The following SOX5 variants were observed in gnomAD, a reference collection of about 807,000 sequenced individuals.
SOX5 encodes SRY-box transcription factor 5.
In SOX5, 9 loss-of-function variants were observed where a neutral mutation model predicts 92.0. The ratio of observed to expected loss-of-function variants is 0.10; its 90% CI spans 0.06 to 0.17. SOX5 has a LOEUF of 0.17. Among genes scored for constraint, SOX5 ranks in the 10% least tolerant of loss-of-function variants. The probability of loss-of-function intolerance (pLI) is 1.00; values close to 1 mark genes in which losing one functional copy is unlikely to be tolerated. For synonymous variants in SOX5, 344 were observed against 336.3 expected, an observed-to-expected ratio of 1.02 and a Z score of -0.25; for missense variants, 642 against 944.5, an observed-to-expected ratio of 0.68 and a Z score of 4.20.
chr12:23,583,965 G>A (rs1439676296), intron 9 of SOX5, among the ~76,000 whole-genome samples: 1 of 152,102 alleles, frequency 6.6e-6, no homozygotes, highest in African/African-American at 2.4e-5. Flanking sequence ...GGAGCTCACA[G>A]AGCAATACGA....
chr12:23,888,549 T>A (rs930265879), intron 2 of SOX5, among the ~76,000 whole-genome samples: 12 of 152,264 alleles, frequency 7.9e-5, no homozygotes, highest in African/African-American at 2.9e-4. Flanking sequence ...TTTGACTCCT[T>A]CTCCCACCAC....
chr12:24,265,399 C>G (rs1942860330), intron 3 of SOX5, among the ~76,000 whole-genome samples: 1 of 152,048 alleles, frequency 6.6e-6, no homozygotes, highest in Non-Finnish European at 1.5e-5. Context: ...AAAAAGTTAT[C>G]TGAGAGTGGT....
intron 1 of SOX5, among the ~76,000 whole-genome samples, chr12:24,376,959 C>T (rs954209622): frequency 6.6e-6 from 1 of 151,952 alleles, no homozygotes; most frequent in African/African-American, 2.4e-5. Context: ...GATCCTCCCA[C>T]CTCAGTCTCC....
chr12:24,139,917 C>T (rs1457097134), intron 4 of SOX5, among the ~76,000 whole-genome samples: 4 of 152,076 alleles, frequency 2.6e-5, no homozygotes, highest in Admixed American at 6.6e-5. Flanking sequence ...CGAATGAATA[C>T]GTGCACCGTC....
chr12:23,720,556 A>G (rs554025234), intron 6 of SOX5, among the ~76,000 whole-genome samples: 177 of 152,242 alleles, frequency 1.2e-3, no homozygotes, highest in Non-Finnish European at 2.0e-3. Flanking sequence ...ATGTTGTTAA[A>G]CATTTTGATC....
At chr12:24,075,919 G>C (rs1281986688) in intron 4 of SOX5, among the ~76,000 whole-genome samples, 2 of 152,144 alleles carry the variant, frequency 1.3e-5, no homozygotes, top group Non-Finnish European at 2.9e-5. Flanking sequence ...CCACCAAAGA[G>C]AAATGGAGTT....
chr12:24,283,306 A>C lies in SOX5; in HGVS notation c.-173-5994T>G, dbSNP rs188080961. Among the ~76,000 whole-genome samples, 7 of 152,360 alleles carry C rather than the reference A, an allele frequency of 4.6e-5. No individual in the cohort carries two copies. The East Asian group carries it at 1.3e-3, about 29-fold the overall frequency. ...TTGCTCAGAGCCAAGAGAAGTCTTC[A>C]CAGGTATCTCTTAGAATCCTGATAT... On this transcript the variant is annotated intron_variant, in intron 2 of 4. Transcript: ENST00000446891.
chr12:23,969,153 A>G (rs927464807), intron 4 of SOX5, among the ~76,000 whole-genome samples: 4 of 152,040 alleles, frequency 2.6e-5, no homozygotes, highest in Non-Finnish European at 4.4e-5. Context: ...CACCATCCCA[A>G]ATCTATTGAT....
At chr12:24,506,072 TG>T (rs1948713711) in intron 1 of SOX5, among the ~76,000 whole-genome samples, 1 of 152,194 alleles carries the variant, frequency 6.6e-6, no homozygotes, top group Admixed American at 6.5e-5. Flanking sequence ...AATAATAACA[TG>T]ACCACACCCC....
intron 9 of SOX5, among the ~76,000 whole-genome samples, chr12:23,576,288 C>T (rs1949097416): frequency 6.6e-6 from 1 of 152,114 alleles, no homozygotes; most frequent in South Asian, 2.1e-4. Context: ...TGGAGGACCA[C>T]AGATAGTTGT....
intron 4 of SOX5, among the ~76,000 whole-genome samples, chr12:24,048,270 T>C (rs997729231): frequency 2.0e-5 from 3 of 152,198 alleles, no homozygotes; most frequent in African/African-American, 7.2e-5. Context: ...TCATACGTGG[T>C]GAAGTTGGGA....
intron 1 of SOX5, among the ~76,000 whole-genome samples, chr12:24,409,429 T>C (rs1963647947): frequency 6.6e-6 from 1 of 152,180 alleles, no homozygotes; most frequent in Admixed American, 6.5e-5. Flanking sequence ...AAACCTGCAC[T>C]TTCTGCACAT....
At chr12:24,469,319 C>T (rs149573124) in intron 1 of SOX5, among the ~76,000 whole-genome samples, 1 of 152,152 alleles carries the variant, frequency 6.6e-6, no homozygotes, top group Admixed American at 6.5e-5. Flanking sequence ...CCTCCTGCTG[C>T]GTGGCCAAGT....
chr12:24,352,221 C>T (rs181282090), intron 2 of SOX5, among the ~76,000 whole-genome samples: 2 of 152,280 alleles, frequency 1.3e-5, no homozygotes, highest in African/African-American at 2.4e-5. Context: ...TCTAACTATG[C>T]TACTGACTAG....
rs1222940904 is a variant in SOX5 at position 23,570,983 on chromosome 12, A to T, written c.1342+4678T>A. On this transcript the variant is annotated intron_variant, in intron 10 of 14. Coordinates refer to ENST00000451604, the MANE Select transcript of SOX5 (RefSeq NM_006940.6). ...TATATATATATATATATATATATAT[A>T]TTTTCATATTTTTGTATTTTTGGTG... is the stretch of plus-strand genomic sequence containing the variant. Among the ~76,000 whole-genome samples, 87 of 90,742 alleles carry T rather than the reference A, an allele frequency of 9.6e-4. 1 individual carries two copies. Among genetic ancestry groups the T allele is most frequent in the East Asian group, 8.0e-3 (21 of 2,640 alleles). 59.5% of individuals were successfully genotyped at this position (90,742 alleles called of 152,430 possible). A position where few individuals can be genotyped will look rare whatever the true frequency, so the allele number is the denominator to read the frequency against.
chr12:23,644,903 GATAC>G (rs1467724848), intron 7 of SOX5, among the ~76,000 whole-genome samples: 1 of 152,048 alleles, frequency 6.6e-6, no homozygotes, highest in Admixed American at 6.5e-5. Context: ...CTTAACTTAG[GATAC>G]ATAATCTTAA....
At chr12:24,288,423 C>A (rs879394768) in intron 2 of SOX5, among the ~76,000 whole-genome samples, 2 of 152,120 alleles carry the variant, frequency 1.3e-5, no homozygotes, top group Non-Finnish European at 2.9e-5. Flanking sequence ...ACTGGTTTGG[C>A]CTAAGACTAT....
At chr12:24,226,626 A>G (rs1962061351) in intron 3 of SOX5, among the ~76,000 whole-genome samples, 1 of 151,928 alleles carries the variant, frequency 6.6e-6, no homozygotes. Flanking sequence ...ACCCGCCACC[A>G]CGCCCAGCTA....
At chr12:23,539,057 G>C (rs1427080677) in intron 13 of SOX5, among the ~76,000 whole-genome samples, 2 of 151,548 alleles carry the variant, frequency 1.3e-5, no homozygotes, top group South Asian at 4.2e-4. Context: ...TGCCCGGTTC[G>C]GCCTCCCAAA....
Sources: allele counts gnomAD v4.1 joint callset (sites outside exome capture counted in the v4.1 genomes callset), GRCh38; gene constraint gnomAD v4.1.1; transcripts MANE v1.5; gene names NCBI Gene and HGNC (gene_info 2026-07-23, HGNC 2026-07-21).